The following GCNT1 variants were observed in gnomAD, a reference collection of about 807,000 sequenced individuals.
GCNT1 encodes the protein beta-1,3-galactosyl-O-glycosyl-glycoprotein beta-1,6-N-acetylglucosaminyltransferase.
In GCNT1, 16 loss-of-function variants were observed where a neutral mutation model predicts 26.2. The observed-to-expected ratio is 0.61, with a 90% CI of 0.41 to 0.93. The LOEUF is 0.93. GCNT1 is among the 40% of genes least tolerant of loss of function. The probability of loss-of-function intolerance (pLI) is 0.00; values close to 1 mark genes in which losing one functional copy is unlikely to be tolerated. For synonymous variants in GCNT1, 183 were observed against 190.8 expected (o/e 0.96, Z 0.34); for missense variants, 477 against 526.7 (o/e 0.91, Z 0.92).
At chr9:76,425,733 G>C (rs918800039) in intron 1 of GCNT1, among the ~76,000 whole-genome samples, 1 of 152,166 alleles carries the variant, frequency 6.6e-6, no homozygotes, top group Non-Finnish European at 1.5e-5. Context: ...TCCCTGAAAA[G>C]TTAGAGATGG....
intron 2 of GCNT1, among the ~76,000 whole-genome samples, chr9:76,478,343 A>G (rs140438485): frequency 6.6e-6 from 1 of 152,156 alleles, no homozygotes; most frequent in Non-Finnish European, 1.5e-5. Flanking sequence ...AACTCCGGGC[A>G]TGCCATCTTT....
At chr9:76,445,440 T>C (rs1401688230) in intron 1 of GCNT1, among the ~76,000 whole-genome samples, 3 of 152,064 alleles carry the variant, frequency 2.0e-5, no homozygotes, top group Non-Finnish European at 4.4e-5. Flanking sequence ...CAGGCTGGAG[T>C]GCAGTGGCTC....
At chr9:76,412,263 T>A in the GCNT1 span, among the ~76,000 whole-genome samples, 587 of 152,328 alleles carry the variant, frequency 3.9e-3, 3 homozygotes, top group Admixed American at 6.1e-3. Context: ...CCCAATCAAA[T>A]ACATTTTGCC....
In GCNT1 at chr9:76,482,245, C is replaced by G. The variant is rs77069112; in HGVS notation, c.-289-18671C>G. Reference sequence around the variant, plus strand: ...CAGCATGCTTCTCCCAATGGCCCCCCAAATCTCCTACTCCCTAAAACTCCA... The same window carrying G: ...CAGCATGCTTCTCCCAATGGCCCCCGAAATCTCCTACTCCCTAAAACTCCA... On this transcript the variant is annotated intron_variant, in intron 2 of 3. Transcript: ENST00000376730. Among the ~76,000 whole-genome samples the G allele has an allele frequency of 1.1e-4, 17 of 152,084 alleles. No homozygotes were observed. In the East Asian group the frequency reaches 3.1e-3, roughly 28 times the overall value.
chr9:76,413,653 G>GTTTTTTTTTTTTTTT, the GCNT1 span, among the ~76,000 whole-genome samples: 7 of 118,664 alleles, frequency 5.9e-5, no homozygotes, highest in Admixed American at 8.9e-5. Flanking sequence ...GTTTTGTTTT[G>GTTTTTTTTTTTTTTT]TTTTTTTTTT....
intron 1 of GCNT1, among the ~76,000 whole-genome samples, chr9:76,445,668 T>G (rs1035448519): frequency 2.6e-5 from 4 of 151,590 alleles, no homozygotes; most frequent in African/African-American, 9.7e-5. Context: ...TTTTACTTAT[T>G]AGAATTGGCA....
upstream of GCNT1, among the ~76,000 whole-genome samples, chr9:76,437,175 CAT>C (rs1355345890): frequency 2.6e-5 from 4 of 151,920 alleles, no homozygotes; most frequent in Non-Finnish European, 4.4e-5. Flanking sequence ...TTGTCAGAAA[CAT>C]GTGAACAAGA....
upstream of GCNT1, among the ~76,000 whole-genome samples, chr9:76,416,083 T>C (rs1823129554): frequency 6.6e-6 from 1 of 152,112 alleles, no homozygotes; most frequent in African/African-American, 2.4e-5. Flanking sequence ...CACTCCAATG[T>C]TGCTTTTTCC....
intron 1 of GCNT1, among the ~76,000 whole-genome samples, chr9:76,444,481 A>G (rs1241364125): frequency 2.0e-5 from 3 of 152,194 alleles, no homozygotes; most frequent in Admixed American, 6.5e-5. Context: ...TTAAGAGTCC[A>G]GGTGAGGAAA....
chr9:76,461,824 G>A (rs1390945499), intron 2 of GCNT1, among the ~76,000 whole-genome samples: 1 of 152,208 alleles, frequency 6.6e-6, no homozygotes, highest in African/African-American at 2.4e-5. Context: ...GGGAGGCGGA[G>A]GTTAGGATGA....
the GCNT1 span, among the ~76,000 whole-genome samples, chr9:76,413,678 T>C: frequency 6.7e-5 from 10 of 150,268 alleles, no homozygotes; most frequent in East Asian, 1.9e-3. Context: ...GTTTTTTTTT[T>C]TTTTTTGGCA....
chr9:76,490,807 T>C (rs998761487), intron 2 of GCNT1, among the ~76,000 whole-genome samples: 2 of 152,220 alleles, frequency 1.3e-5, no homozygotes, highest in Non-Finnish European at 2.9e-5. Context: ...ATTGTGTCTT[T>C]TCCTGTTCTG....
chr9:76,495,523 C>T (rs1278822085), intron 2 of GCNT1, among the ~76,000 whole-genome samples: 6 of 152,202 alleles, frequency 3.9e-5, no homozygotes, highest in South Asian at 2.1e-4. Flanking sequence ...CCCTTATTTG[C>T]TCCCGCCTAT....
intron 1 of GCNT1, among the ~76,000 whole-genome samples, chr9:76,444,982 G>A (rs957484040): frequency 6.6e-6 from 1 of 152,208 alleles, no homozygotes; most frequent in Admixed American, 6.5e-5. Context: ...GTAAGAGGTT[G>A]TGAGAGAATA....
rs779553603 is a variant in GCNT1 at position 76,502,642 on chromosome 9, G to A, written c.261G>A (p.Arg87=). 17 of 1,613,962 alleles carry A rather than the reference G, an allele frequency of 1.1e-5. No homozygotes were observed. Among genetic ancestry groups the A allele is most frequent in the Middle Eastern group, 1.6e-4 (1 of 6,084 alleles). ...CAGTGAAATTTAAAAAGCGCCCTCGGTGGACACCTGACGACTATATAAACA... is the reference window on the plus strand; with the variant it reads ...CAGTGAAATTTAAAAAGCGCCCTCGATGGACACCTGACGACTATATAAACA... The part of the protein sequence containing the change: ...ILTVKFKKRP[R]WTPDDYINMT... Residue 87 remains arginine, a synonymous_variant, in exon 4 of 4, where the codon CGG becomes CGA. Transcript: ENST00000376730.
At chr9:76,412,757 G>A in the GCNT1 span, among the ~76,000 whole-genome samples, 1 of 152,098 alleles carries the variant, frequency 6.6e-6, no homozygotes, top group East Asian at 1.9e-4. Context: ...TGCTTTATAC[G>A]ACTGCTTCCT....
At chr9:76,440,833 A>G (rs374387430), upstream of GCNT1, among the ~76,000 whole-genome samples, 110 of 152,138 alleles carry the variant, frequency 7.2e-4, no homozygotes, top group African/African-American at 2.5e-3. Flanking sequence ...TGGGAGGTTG[A>G]GGCGGGTGGA....
chr9:76,461,388 C>A (rs1462596759), intron 2 of GCNT1, among the ~76,000 whole-genome samples: 1 of 151,726 alleles, frequency 6.6e-6, no homozygotes, highest in Non-Finnish European at 1.5e-5. Context: ...GTCAGGAGTT[C>A]AAGACCAGCC....
chr9:76,489,383 G>C (rs1824667660), intron 2 of GCNT1, among the ~76,000 whole-genome samples: 2 of 152,176 alleles, frequency 1.3e-5, no homozygotes, highest in Non-Finnish European at 1.5e-5. Flanking sequence ...AGCTCTTAAA[G>C]GTGGTGTGGA....
Sources: allele counts gnomAD v4.1 joint callset (sites outside exome capture counted in the v4.1 genomes callset), GRCh38; gene constraint gnomAD v4.1.1; transcripts MANE v1.5; gene names NCBI Gene and HGNC (gene_info 2026-07-23, HGNC 2026-07-21).